Variants in ST8SIA1 observed in about 807,000 individuals in gnomAD.
ST8SIA1 encodes ST8 alpha-N-acetyl-neuraminide alpha-2,8-sialyltransferase 1, also known as alpha-N-acetylneuraminide alpha-2,8-sialyltransferase.
ST8SIA1 carries 16 observed loss-of-function variants against 35.9 expected under a neutral mutation model. The ratio of observed to expected loss-of-function variants is 0.45; its 90% CI spans 0.30 to 0.68. ST8SIA1 has a LOEUF of 0.68. ST8SIA1 is among the 30% of genes least tolerant of loss of function. The probability of loss-of-function intolerance (pLI) is 0.09; values close to 1 mark genes in which losing one functional copy is unlikely to be tolerated. For missense variants in ST8SIA1, 383 were observed against 453.6 expected (o/e 0.84, Z 1.41); for synonymous variants, 170 against 169.6 (o/e 1.00, Z -0.02).
At chr12:22,299,958 A>G (rs567013705) in intron 1 of ST8SIA1, among the ~76,000 whole-genome samples, 5 of 152,162 alleles carry the variant, frequency 3.3e-5, no homozygotes, top group African/African-American at 4.8e-5. Flanking sequence ...TGCACTACAG[A>G]AAGTCTTTTC....
intron 4 of ST8SIA1, chr12:22,223,527 C>G (rs1865323484): frequency 9.8e-7 from 1 of 1,019,568 alleles, no homozygotes; most frequent in Admixed American, 6.1e-5. Flanking sequence ...TGTGTGAGTC[C>G]TGACTTCTGA....
intron 4 of ST8SIA1, among the ~76,000 whole-genome samples, chr12:22,205,272 T>C (rs1340168282): frequency 2.0e-5 from 3 of 152,112 alleles, no homozygotes; most frequent in East Asian, 1.9e-4. Flanking sequence ...TTGTGTACTA[T>C]ATGAATAAAA....
chr12:22,222,406 A>G (rs537991585), intron 4 of ST8SIA1, among the ~76,000 whole-genome samples: 1 of 152,354 alleles, frequency 6.6e-6, no homozygotes, highest in East Asian at 1.9e-4. Context: ...TAGTGGATTT[A>G]CATTAGAAAA....
Position 22,201,533 on chromosome 12 carries a change from C to G in ST8SIA1, c.*19G>C, listed in dbSNP as rs12581522. On this transcript the variant is annotated 3_prime_UTR_variant, in exon 5 of 5. Transcript: ENST00000396037. Reference sequence around the variant, plus strand: ...CTAACAAAAATACCCTGGTTCAGTCCTTTCTTCTTCCATTGTTCCTAGGAA... The same window carrying G: ...CTAACAAAAATACCCTGGTTCAGTCGTTTCTTCTTCCATTGTTCCTAGGAA... 375 of 1,579,036 alleles carry G rather than the reference C, an allele frequency of 2.4e-4. 1 individual carries two copies. The African/African-American group carries it at 4.4e-3, about 18-fold the overall frequency.
chr12:22,302,233 C>G (rs1174381251), intron 1 of ST8SIA1, among the ~76,000 whole-genome samples: 2 of 150,788 alleles, frequency 1.3e-5, no homozygotes, highest in African/African-American at 2.5e-5. Context: ...CGATTTTTTT[C>G]TTTCTTTTCC....
chr12:22,207,741 C>G (rs1865129215), intron 4 of ST8SIA1, among the ~76,000 whole-genome samples: 1 of 152,118 alleles, frequency 6.6e-6, no homozygotes, highest in Non-Finnish European at 1.5e-5. Flanking sequence ...AACATGATAG[C>G]TTTTGAAAAA....
intron 3 of ST8SIA1, among the ~76,000 whole-genome samples, chr12:22,252,312 T>C (rs570067370): frequency 1.3e-4 from 20 of 152,336 alleles, no homozygotes; most frequent in African/African-American, 4.6e-4. Flanking sequence ...ACATACGACA[T>C]GCTTTCTAAT....
At chr12:22,291,769 CAAG>C (rs1480050933) in intron 1 of ST8SIA1, among the ~76,000 whole-genome samples, 1 of 151,892 alleles carries the variant, frequency 6.6e-6, no homozygotes, top group Non-Finnish European at 1.5e-5. Context: ...TTTAATATTG[CAAG>C]AAGAAAATGC....
At chr12:22,329,366 A>G (rs1221469255) in intron 1 of ST8SIA1, among the ~76,000 whole-genome samples, 1 of 152,204 alleles carries the variant, frequency 6.6e-6, no homozygotes, top group Non-Finnish European at 1.5e-5. Context: ...AAAAACATAT[A>G]TAAGTGCTAA....
At chr12:22,323,960 C>A (rs944200399) in intron 1 of ST8SIA1, among the ~76,000 whole-genome samples, 8 of 151,740 alleles carry the variant, frequency 5.3e-5, no homozygotes, top group African/African-American at 1.7e-4. Context: ...CACATGTTTA[C>A]CTGTGAAACA....
chr12:22,304,511 G>A (rs1866359989), intron 1 of ST8SIA1, among the ~76,000 whole-genome samples: 1 of 151,896 alleles, frequency 6.6e-6, no homozygotes, highest in Non-Finnish European at 1.5e-5. Context: ...CTCCCTTTGG[G>A]GGAGAAACCG....
intron 1 of ST8SIA1, among the ~76,000 whole-genome samples, chr12:22,300,088 T>C (rs748951049): frequency 3.3e-4 from 51 of 152,320 alleles, no homozygotes; most frequent in Middle Eastern, 3.4e-3. Context: ...AATTATTTTT[T>C]AATTAAGGTT....
intron 1 of ST8SIA1, among the ~76,000 whole-genome samples, chr12:22,316,911 AT>A (rs1348521558): frequency 1.3e-5 from 2 of 152,028 alleles, no homozygotes; most frequent in Non-Finnish European, 2.9e-5. Context: ...AACATTCAGT[AT>A]CGGGAAAAAA....
chr12:22,313,234 A>C (rs2135834310), intron 1 of ST8SIA1, among the ~76,000 whole-genome samples: 1 of 152,138 alleles, frequency 6.6e-6, no homozygotes, highest in South Asian at 2.1e-4. Context: ...ATACATATAA[A>C]CCCCTTTGCA....
chr12:22,321,656 G>A (rs1866603127), intron 1 of ST8SIA1, among the ~76,000 whole-genome samples: 1 of 152,228 alleles, frequency 6.6e-6, no homozygotes, highest in Admixed American at 6.5e-5. Context: ...ACCTGGCCAA[G>A]TTGTTCAGAG....
intron 4 of ST8SIA1, among the ~76,000 whole-genome samples, chr12:22,212,226 TATA>T (rs775736446): frequency 6.6e-6 from 1 of 152,228 alleles, no homozygotes; most frequent in East Asian, 1.9e-4. Flanking sequence ...TTTTTCTCTG[TATA>T]ATAACTTTAA....
At chr12:22,264,330 A>G (rs952077416) in intron 2 of ST8SIA1, among the ~76,000 whole-genome samples, 3 of 152,108 alleles carry the variant, frequency 2.0e-5, no homozygotes, top group Non-Finnish European at 2.9e-5. Context: ...TACTCCTCAC[A>G]TGAACATCTC....
At chr12:22,308,768 G>A (rs893780563) in intron 1 of ST8SIA1, among the ~76,000 whole-genome samples, 1 of 152,122 alleles carries the variant, frequency 6.6e-6, no homozygotes, top group Non-Finnish European at 1.5e-5. Flanking sequence ...ATTTGACACA[G>A]TTGACCAAAT....
chr12:22,260,722 G>T (rs1565580377), intron 2 of ST8SIA1, among the ~76,000 whole-genome samples: 1 of 152,020 alleles, frequency 6.6e-6, no homozygotes, highest in Non-Finnish European at 1.5e-5. Context: ...AGTAACCTCT[G>T]AAGTCCCATA....
Sources: allele counts gnomAD v4.1 joint callset (sites outside exome capture counted in the v4.1 genomes callset), GRCh38; gene constraint gnomAD v4.1.1; transcripts MANE v1.5; gene names NCBI Gene and HGNC (gene_info 2026-07-23, HGNC 2026-07-21).